Variants in FGF12 observed in about 807,000 individuals in gnomAD.
FGF12 encodes the protein fibroblast growth factor 12.
FGF12 carries 14 observed loss-of-function variants against 23.6 expected under a neutral mutation model. The observed-to-expected ratio is 0.59, with a 90% confidence interval of 0.39 to 0.93. The LOEUF (loss-of-function observed/expected upper bound fraction) is 0.93, where lower values mean the gene tolerates loss of function less well. Among genes scored for constraint, FGF12 ranks in the 40% least tolerant of loss-of-function variants. The probability of loss-of-function intolerance (pLI) is 0.00; values close to 1 mark genes in which losing one functional copy is unlikely to be tolerated. For synonymous variants in FGF12, 62 were observed against 77.3 expected (o/e 0.80, Z 1.04); for missense variants, 175 against 217.8 (o/e 0.80, Z 1.24).
intron 2 of FGF12, among the ~76,000 whole-genome samples, chr3:192,684,603 A>G (rs1717665958): frequency 6.6e-6 from 1 of 152,210 alleles, no homozygotes; most frequent in African/African-American, 2.4e-5. Flanking sequence ...TTTCAGTTTC[A>G]GCTTACCTTT....
intron 2 of FGF12, among the ~76,000 whole-genome samples, chr3:192,495,042 G>A (rs1202814923): frequency 6.6e-6 from 1 of 152,016 alleles, no homozygotes; most frequent in Admixed American, 6.6e-5. Flanking sequence ...TGTATTTTTA[G>A]TAGAGACAAG....
At chr3:192,295,959 G>C (rs1715005870) in intron 4 of FGF12, among the ~76,000 whole-genome samples, 1 of 151,102 alleles carries the variant, frequency 6.6e-6, no homozygotes, top group Non-Finnish European at 1.5e-5. Context: ...ACAGCTCACT[G>C]CAACCTCCAT....
intron 4 of FGF12, among the ~76,000 whole-genome samples, chr3:192,192,018 C>T (rs944666382): frequency 4.6e-5 from 7 of 152,206 alleles, no homozygotes; most frequent in Admixed American, 2.0e-4. Flanking sequence ...TGCCTTTCAA[C>T]ACACTAAGCA....
At chr3:192,699,474 G>A (rs1718227045) in intron 2 of FGF12, among the ~76,000 whole-genome samples, 2 of 151,996 alleles carry the variant, frequency 1.3e-5, no homozygotes, top group South Asian at 4.1e-4. Flanking sequence ...ATATATCCAC[G>A]CCTACACGCT....
intron 4 of FGF12, among the ~76,000 whole-genome samples, chr3:192,221,115 G>A (rs1278394267): frequency 2.6e-5 from 4 of 152,116 alleles, no homozygotes; most frequent in African/African-American, 9.7e-5. Context: ...GCCTACCTTT[G>A]GTGCTGCTTG....
At chr3:192,542,868 C>T (rs1725405540) in intron 2 of FGF12, among the ~76,000 whole-genome samples, 1 of 152,148 alleles carries the variant, frequency 6.6e-6, no homozygotes, top group South Asian at 2.1e-4. Flanking sequence ...AACAGCTCAG[C>T]TCTGTGCTGA....
At chr3:192,487,640 T>C (rs1678494646) in intron 2 of FGF12, among the ~76,000 whole-genome samples, 1 of 152,112 alleles carries the variant, frequency 6.6e-6, no homozygotes, top group South Asian at 2.1e-4. Flanking sequence ...GCAAAATCGA[T>C]GCTGCCTAAC....
intron 2 of FGF12, among the ~76,000 whole-genome samples, chr3:192,578,799 AT>A (rs1165425100): frequency 2.6e-5 from 4 of 152,192 alleles, no homozygotes; most frequent in African/African-American, 9.6e-5. Context: ...TGATTTGCGG[AT>A]TTGATTTTAG....
Position 192,320,627 on chromosome 3 carries a change from A to G in FGF12, c.228+14734T>C, listed in dbSNP as rs1202759070. Among the ~76,000 whole-genome samples, 5 of 152,304 alleles carry G rather than the reference A, an allele frequency of 3.3e-5. No homozygotes were observed. In the East Asian group the frequency reaches 9.6e-4, roughly 29 times the overall value. ...CAAGTATCTTCTCTGACCACAGTGG[A>G]ATAAAAACTAGGAATCAATAAAAAG... On this transcript the variant is annotated intron_variant, in intron 4 of 5. Coordinates refer to ENST00000445105, the MANE Select transcript of FGF12 (RefSeq NM_004113.6).
At chr3:192,324,390 C>G (rs1310533188) in intron 4 of FGF12, among the ~76,000 whole-genome samples, 1 of 152,098 alleles carries the variant, frequency 6.6e-6, no homozygotes, top group Non-Finnish European at 1.5e-5. Context: ...TGCTCAGGAG[C>G]TGTTTGAGGG....
intron 2 of FGF12, among the ~76,000 whole-genome samples, chr3:192,628,084 A>C (rs1394207968): frequency 1.3e-5 from 2 of 152,132 alleles, no homozygotes; most frequent in African/African-American, 2.4e-5. Flanking sequence ...AAAACATTAC[A>C]TGAACGTGAT....
intron 2 of FGF12, among the ~76,000 whole-genome samples, chr3:192,394,755 A>G (rs138945761): frequency 3.3e-5 from 5 of 152,350 alleles, no homozygotes; most frequent in African/African-American, 1.2e-4. Context: ...TTGGGTTTCA[A>G]ACCAAGCAAA....
At chr3:192,250,635 T>G (rs1711945201) in intron 4 of FGF12, among the ~76,000 whole-genome samples, 1 of 152,152 alleles carries the variant, frequency 6.6e-6, no homozygotes, top group Non-Finnish European at 1.5e-5. Context: ...TATATTTAGA[T>G]AATTGATTTT....
At chr3:192,190,755 G>A (rs1249629349) in intron 4 of FGF12, among the ~76,000 whole-genome samples, 4 of 152,072 alleles carry the variant, frequency 2.6e-5, no homozygotes, top group African/African-American at 7.2e-5. Context: ...GATTACAGGC[G>A]TGAGCCACCG....
At chr3:192,481,029 G>GCTT (rs1411224840) in intron 2 of FGF12, among the ~76,000 whole-genome samples, 1 of 152,088 alleles carries the variant, frequency 6.6e-6, no homozygotes, top group Non-Finnish European at 1.5e-5. Context: ...TGCCCTGTAT[G>GCTT]CTTAATTTAT....
At chr3:192,302,147 A>G (rs535250573) in intron 4 of FGF12, among the ~76,000 whole-genome samples, 9 of 152,288 alleles carry the variant, frequency 5.9e-5, no homozygotes, top group African/African-American at 2.2e-4. Flanking sequence ...AACGCCTGCT[A>G]GGTGTTGAAG....
At chr3:192,186,608 C>T (rs1490847392) in intron 4 of FGF12, among the ~76,000 whole-genome samples, 4 of 151,766 alleles carry the variant, frequency 2.6e-5, no homozygotes, top group African/African-American at 9.7e-5. Context: ...TTTGTGTGTG[C>T]GTGTGTGTGT....
intron 2 of FGF12, among the ~76,000 whole-genome samples, chr3:192,512,835 A>AATAAATAAATATATATATATATAT (rs35779279): frequency 2.6e-5 from 2 of 76,778 alleles, no homozygotes; most frequent in African/African-American, 1.3e-4. Flanking sequence ...TACTCAAATA[A>AATAAATAAATATATATATATATAT]ATATATATAT....
At position 192,520,545 on chromosome 3, in the gene FGF12, T is replaced by C. The variant is rs182856743; in HGVS notation, c.14-160007A>G. ...TTGAAAGTGACTTAGGTTGCTTCTTTACTTGCCCATCCTCTTCAGTGTGGT... is the reference window on the plus strand; with the variant it reads ...TTGAAAGTGACTTAGGTTGCTTCTTCACTTGCCCATCCTCTTCAGTGTGGT... On this transcript the variant is annotated intron_variant, in intron 2 of 5. Coordinates refer to ENST00000445105, the MANE Select transcript of FGF12 (RefSeq NM_004113.6). Among the ~76,000 whole-genome samples, 401 of 152,364 alleles carry C rather than the reference T, an allele frequency of 2.6e-3. 7 individuals are homozygous for C. The highest frequency in any genetic ancestry group is 1.7e-3 in the Non-Finnish European group (114 of 68,032).
Sources: gnomAD v4.1 joint callset for allele counts (sites outside exome capture counted in the v4.1 genomes callset) on GRCh38, gnomAD v4.1.1 for gene constraint, MANE v1.5 for transcripts, NCBI Gene and HGNC (gene_info 2026-07-23, HGNC 2026-07-21) for gene names.